The following DPYD variants were observed in gnomAD, a reference collection of about 807,000 sequenced individuals.
DPYD encodes the protein dihydropyrimidine dehydrogenase [NADP(+)].
DPYD carries 109 observed loss-of-function variants against 116.2 expected under a neutral mutation model. That is an observed-to-expected ratio of 0.94 (90% CI 0.80 to 1.10). The LOEUF is 1.10. DPYD is among the 50% of genes least tolerant of loss of function. DPYD has a pLI of 0.00. For synonymous variants in DPYD, 440 were observed against 432.0 expected (o/e 1.02, Z -0.23); for missense variants, 1,302 against 1,254.5 (o/e 1.04, Z -0.57).
At chr1:97,879,387 T>C (rs1672075803) in intron 2 of DPYD, among the ~76,000 whole-genome samples, 1 of 151,988 alleles carries the variant, frequency 6.6e-6, no homozygotes, top group Non-Finnish European at 1.5e-5. Context: ...TGCCTTTCCT[T>C]TTAATTTTCA....
chr1:97,173,382 A>ATACGTACATATATGTGTGTATATACG lies in DPYD; in HGVS notation c.2622+19661_2622+19686dup, dbSNP rs1275331399. Among the ~76,000 whole-genome samples the ATACGTACATATATGTGTGTATATACG allele has an allele frequency of 6.2e-4, 94 of 150,808 alleles. 1 individual carries two copies. Among genetic ancestry groups the ATACGTACATATATGTGTGTATATACG allele is most frequent in the South Asian group, 2.1e-3 (10 of 4,720 alleles). ...TACATATATACATATATGTGTGTAT[A>ATACGTACATATATGTGTGTATATACG]TACGTACATATATGTGTGTATATAC... On this transcript the variant is annotated intron_variant, in intron 20 of 22. Coordinates refer to ENST00000370192, the MANE Select transcript of DPYD (RefSeq NM_000110.4).
chr1:97,472,273 G>T (rs1490846294), intron 13 of DPYD, among the ~76,000 whole-genome samples: 1 of 152,164 alleles, frequency 6.6e-6, no homozygotes, highest in African/African-American at 2.4e-5. Flanking sequence ...GGATAGTGTA[G>T]TAGACACCTA....
chr1:97,105,619 A>G (rs1651080844), intron 20 of DPYD, among the ~76,000 whole-genome samples: 1 of 152,096 alleles, frequency 6.6e-6, no homozygotes, highest in Non-Finnish European at 1.5e-5. Flanking sequence ...GCCAGAAGCA[A>G]CCTAGAGAAC....
chr1:97,199,715 A>G (rs1414343347), intron 19 of DPYD, among the ~76,000 whole-genome samples: 1 of 152,072 alleles, frequency 6.6e-6, no homozygotes, highest in African/African-American at 2.4e-5. Context: ...CTGTGTAACT[A>G]GGGCTAGTCA....
intron 18 of DPYD, among the ~76,000 whole-genome samples, chr1:97,240,542 C>T (rs1662264467): frequency 6.6e-6 from 1 of 151,822 alleles, no homozygotes; most frequent in Non-Finnish European, 1.5e-5. Flanking sequence ...CTCTAGCTGG[C>T]AATAAAACAG....
chr1:97,552,974 G>T (rs1028621114), intron 11 of DPYD, among the ~76,000 whole-genome samples: 2 of 151,772 alleles, frequency 1.3e-5, no homozygotes, highest in African/African-American at 4.8e-5. Flanking sequence ...CCAATATTTG[G>T]CTCATCAAAT....
At chr1:97,347,372 T>C (rs1669913110) in intron 16 of DPYD, among the ~76,000 whole-genome samples, 1 of 152,010 alleles carries the variant, frequency 6.6e-6, no homozygotes, top group South Asian at 2.1e-4. Context: ...CCGTATCTAG[T>C]GAGATGATCA....
At chr1:97,844,077 G>A (rs910397956) in intron 2 of DPYD, among the ~76,000 whole-genome samples, 6 of 151,924 alleles carry the variant, frequency 3.9e-5, no homozygotes, top group African/African-American at 1.5e-4. Context: ...CTTAACAAAG[G>A]GAAAGGAACT....
intron 14 of DPYD, among the ~76,000 whole-genome samples, chr1:97,429,009 T>A (rs1675027914): frequency 6.6e-6 from 1 of 152,032 alleles, no homozygotes; most frequent in Non-Finnish European, 1.5e-5. Flanking sequence ...CAGGAAAATT[T>A]AAGAGCTTAA....
intron 12 of DPYD, among the ~76,000 whole-genome samples, chr1:97,535,841 A>G (rs1649952903): frequency 6.6e-6 from 1 of 152,180 alleles, no homozygotes; most frequent in South Asian, 2.1e-4. Context: ...TCCTTTACAA[A>G]CAAAAACCTT....
chr1:97,521,962 G>T, intron 12 of DPYD, among the ~76,000 whole-genome samples: 1 of 152,110 alleles, frequency 6.6e-6, no homozygotes, highest in Non-Finnish European at 1.5e-5. Flanking sequence ...AACCCTAGAA[G>T]AAAACCTAGT....
chr1:97,085,976 A>T (rs1252356495), intron 21 of DPYD, among the ~76,000 whole-genome samples: 2 of 152,222 alleles, frequency 1.3e-5, no homozygotes, highest in African/African-American at 4.8e-5. Context: ...GGATGTTGCA[A>T]AGTACTACAG....
At chr1:97,124,011 G>A (rs1173195603) in intron 20 of DPYD, among the ~76,000 whole-genome samples, 2 of 152,036 alleles carry the variant, frequency 1.3e-5, no homozygotes, top group Non-Finnish European at 2.9e-5. Flanking sequence ...AATCATGATG[G>A]TTTTTTGCAT....
intron 20 of DPYD, among the ~76,000 whole-genome samples, chr1:97,151,288 C>A (rs1019331061): frequency 9.2e-5 from 14 of 152,106 alleles, no homozygotes; most frequent in African/African-American, 3.1e-4. Context: ...TCTTTTGATT[C>A]TTTACAACAG....
intron 2 of DPYD, among the ~76,000 whole-genome samples, chr1:97,880,679 C>A (rs1571520681): frequency 6.6e-6 from 1 of 151,716 alleles, no homozygotes; most frequent in East Asian, 1.9e-4. Context: ...TTACAGAAGA[C>A]CTGAAATATA....
intron 11 of DPYD, 69 bp downstream of exon 11, chr1:97,573,691 A>G (rs966474442): frequency 6.3e-7 from 1 of 1,584,280 alleles, no homozygotes; most frequent in Non-Finnish European, 8.7e-7. Flanking sequence ...ATTCCCTGAA[A>G]GCTAGAAACT....
chr1:97,853,916 T>C (rs1411280528), intron 2 of DPYD, among the ~76,000 whole-genome samples: 1 of 152,058 alleles, frequency 6.6e-6, no homozygotes, highest in Non-Finnish European at 1.5e-5. Flanking sequence ...AAAAAATACT[T>C]ATGGCCAAAA....
chr1:97,790,757 T>C (rs1667280223), intron 3 of DPYD, among the ~76,000 whole-genome samples: 1 of 152,172 alleles, frequency 6.6e-6, no homozygotes, highest in Non-Finnish European at 1.5e-5. Context: ...TTGGAAAAAG[T>C]AGAATTACTA....
chr1:97,841,070 TTAAAG>T (rs1444164592), intron 2 of DPYD, among the ~76,000 whole-genome samples: 2 of 152,186 alleles, frequency 1.3e-5, no homozygotes, highest in Non-Finnish European at 2.9e-5. Context: ...ATTTGGCCCA[TTAAAG>T]TATTCTTACA....
Sources: allele counts gnomAD v4.1 joint callset (sites outside exome capture counted in the v4.1 genomes callset), GRCh38; gene constraint gnomAD v4.1.1; transcripts MANE v1.5; gene names NCBI Gene and HGNC (gene_info 2026-07-23, HGNC 2026-07-21).